The following SFMBT2 variants were observed in gnomAD, a reference collection of about 807,000 sequenced individuals.
SFMBT2 encodes scm-like with four MBT domains protein 2.
A neutral mutation model predicts 110.1 loss-of-function variants in SFMBT2; 38 were observed. The observed-to-expected ratio is 0.35, with a 90% confidence interval of 0.27 to 0.45. The LOEUF is 0.45. Ranked by LOEUF, SFMBT2 falls within the 20% of genes least tolerant of loss-of-function variation. SFMBT2 has a pLI of 1.00. For missense variants in SFMBT2, 1,011 were observed against 1,094.9 expected (o/e 0.92, Z 1.08); for synonymous variants, 425 against 425.4 (o/e 1.00, Z 0.01).
rs566753308 is a variant in SFMBT2 at position 7,276,512 on chromosome 10, A to G, written c.870+380T>C. ...GTTAAGAAGGTGCCTTTTCAAGTGG[A>G]AAAGGATTTGGTATGGAAAACTTTT... On this transcript the variant is annotated intron_variant, in intron 7 of 20. Transcript: ENST00000397167. Among the ~76,000 whole-genome samples the G allele has an allele frequency of 1.2e-3, 189 of 152,172 alleles. 2 individuals are homozygous for G. Among genetic ancestry groups the G allele is most frequent in the African/African-American group, 4.2e-3 (175 of 41,520 alleles).
intron 1 of SFMBT2, among the ~76,000 whole-genome samples, chr10:7,395,738 T>C (rs1845907173): frequency 6.6e-6 from 1 of 152,012 alleles, no homozygotes; most frequent in Non-Finnish European, 1.5e-5. Context: ...CAGTCTCCAT[T>C]TTCATCCTAT....
At chr10:7,360,305 C>A (rs959915125) in intron 4 of SFMBT2, among the ~76,000 whole-genome samples, 2 of 151,964 alleles carry the variant, frequency 1.3e-5, no homozygotes, top group East Asian at 1.9e-4. Flanking sequence ...CCCATCTCTA[C>A]GAAAATACAA....
At chr10:7,203,434 C>T (rs1839022797) in intron 12 of SFMBT2, 2 of 232,616 alleles carry the variant, frequency 8.6e-6, no homozygotes, top group Non-Finnish European at 7.0e-6. Context: ...GGATGCCTGA[C>T]CCCCTGGGAA....
chr10:7,269,171 T>C lies in SFMBT2; in HGVS notation c.870+7721A>G, dbSNP rs535565964. Among the ~76,000 whole-genome samples, 14 of 152,376 alleles carry C rather than the reference T, an allele frequency of 9.2e-5. No homozygotes were observed. The South Asian group carries it at 2.7e-3, about 29-fold the overall frequency. ...GAATGTACATTTTGGAAATGATCTGTATTTGCCAAATAAGGTAAGTCAGAA... is the reference window on the plus strand; with the variant it reads ...GAATGTACATTTTGGAAATGATCTGCATTTGCCAAATAAGGTAAGTCAGAA... On this transcript the variant is annotated intron_variant, in intron 7 of 20. Coordinates refer to ENST00000397167, the MANE Select transcript of SFMBT2 (RefSeq NM_001387889.1).
At chr10:7,372,905 C>G (rs953883541) in intron 2 of SFMBT2, among the ~76,000 whole-genome samples, 2 of 152,256 alleles carry the variant, frequency 1.3e-5, no homozygotes, top group African/African-American at 2.4e-5. Context: ...CTGCCCTAGC[C>G]TGTGTCAGTA....
At chr10:7,376,745 AAAAAAAAAAAAAAG>A (rs1845227482) in intron 2 of SFMBT2, among the ~76,000 whole-genome samples, 1 of 143,216 alleles carries the variant, frequency 7.0e-6, no homozygotes, top group African/African-American at 2.6e-5. Flanking sequence ...AAAAAAAAAA[AAAAAAAAAAAAAAG>A]CCTGGTAATG....
intron 12 of SFMBT2, chr10:7,203,137 A>G: frequency 1.0e-6 from 1 of 973,710 alleles, no homozygotes. Flanking sequence ...ACTTTGGCTC[A>G]GATAATCCTA....
At chr10:7,218,630 G>A (rs760212895) in intron 11 of SFMBT2, among the ~76,000 whole-genome samples, 2 of 152,122 alleles carry the variant, frequency 1.3e-5, no homozygotes, top group Non-Finnish European at 2.9e-5. Flanking sequence ...AAAACACTCT[G>A]GGGAATAAGA....
intron 4 of SFMBT2, among the ~76,000 whole-genome samples, chr10:7,315,919 T>C (rs1023554904): frequency 3.3e-5 from 5 of 152,208 alleles, no homozygotes; most frequent in African/African-American, 1.2e-4. Flanking sequence ...TTTGCTGTTA[T>C]TAAGAAGATG....
chr10:7,220,499 A>G lies in SFMBT2; in HGVS notation c.1242T>C (p.Leu414=). 1 of 1,614,174 alleles carries G rather than the reference A, an allele frequency of 6.2e-7. No individual in the cohort carries two copies. Among genetic ancestry groups the G allele is most frequent in the South Asian group, 1.1e-5 (1 of 91,082 alleles). Reference sequence around the variant, plus strand: ...CTGGATTCCTGGGGTTCACAGCTTCAAGTTTCATGTTCTTTGTGAAACCTC... The same window carrying G: ...CTGGATTCCTGGGGTTCACAGCTTCGAGTTTCATGTTCTTTGTGAAACCTC... ...FSRGFTKNMK[L]EAVNPRNPGE... The change falls in exon 11 of 21, where the codon CTT becomes CTC. Residue 414 remains leucine (L), a synonymous_variant. Transcript: ENST00000397167.
chr10:7,316,747 C>A (rs1843024804), intron 4 of SFMBT2, among the ~76,000 whole-genome samples: 1 of 152,130 alleles, frequency 6.6e-6, no homozygotes, highest in Non-Finnish European at 1.5e-5. Flanking sequence ...GTCTAGCATG[C>A]CTGCTCACTT....
chr10:7,224,175 G>A (rs142659134), intron 10 of SFMBT2, among the ~76,000 whole-genome samples: 202 of 152,236 alleles, frequency 1.3e-3, no homozygotes, highest in Middle Eastern at 6.8e-3. Flanking sequence ...TCTGGATTAC[G>A]TTATATTCCT....
chr10:7,204,252 T>A (rs192513026), intron 12 of SFMBT2: 1 of 716,886 alleles, frequency 1.4e-6, no homozygotes, highest in East Asian at 1.3e-4. Context: ...CTCTTAATAA[T>A]GCTAACTAGA....
intron 7 of SFMBT2, among the ~76,000 whole-genome samples, chr10:7,274,686 C>T (rs1841710761): frequency 1.3e-5 from 2 of 152,140 alleles, no homozygotes; most frequent in Non-Finnish European, 1.5e-5. Context: ...TCCCTAACAG[C>T]ATGAGAACAA....
At chr10:7,212,806 G>T (rs544984825) in intron 11 of SFMBT2, among the ~76,000 whole-genome samples, 2 of 152,250 alleles carry the variant, frequency 1.3e-5, no homozygotes, top group Middle Eastern at 3.4e-3. Flanking sequence ...GTCTCTACTC[G>T]ATAGCAAAGA....
chr10:7,170,998 G>T lies in SFMBT2; in HGVS notation c.2474C>A (p.Thr825Lys). Reference protein sequence around the residue: ...LVLESNPLEWTVTDVVRFIKL... With the variant: ...LVLESNPLEWKVTDVVRFIKL... ...AATGAACCTCACCACGTCGGTGACC[G>T]TCCACTCCAACGGGTTGCTCTCCAG... Residue 825 changes from threonine to lysine, a missense_variant, in exon 20 of 21, where the codon ACG (threonine) becomes AAG (lysine). By Grantham distance (78) the Thr-to-Lys change is moderately conservative (BLOSUM62 -1). This residue lies in a region of SFMBT2 where 979 missense variants were observed against 1,016.1 expected (regional missense o/e 0.96). Coordinates refer to ENST00000397167, the MANE Select transcript of SFMBT2 (RefSeq NM_001387889.1). This position sits in a 1 kb window ranked among gnomAD's most constrained non-coding sequence, Gnocchi z 4.6. 6.2e-7 allele frequency: 1 copy of T among 1,614,110 alleles called. No homozygotes were observed. The highest frequency in any genetic ancestry group is 8.5e-7 in the Non-Finnish European group (1 of 1,179,982).
At chr10:7,183,932 A>G (rs920790900) in intron 16 of SFMBT2, among the ~76,000 whole-genome samples, 2 of 152,144 alleles carry the variant, frequency 1.3e-5, no homozygotes, top group South Asian at 2.1e-4. Context: ...AGGGTTACAC[A>G]TGTAAGTGGG....
At chr10:7,191,452 A>G (rs1275013014) in intron 15 of SFMBT2, among the ~76,000 whole-genome samples, 1 of 152,172 alleles carries the variant, frequency 6.6e-6, no homozygotes, top group Non-Finnish European at 1.5e-5. Flanking sequence ...CGATCCTTTC[A>G]ACAGGTCAGA....
intron 8 of SFMBT2, among the ~76,000 whole-genome samples, chr10:7,245,375 T>C (rs952182783): frequency 1.3e-5 from 2 of 152,210 alleles, no homozygotes; most frequent in Non-Finnish European, 2.9e-5. Context: ...CATACGTATA[T>C]AAAGAGCATG....
Sources: allele counts gnomAD v4.1 joint callset (sites outside exome capture counted in the v4.1 genomes callset), GRCh38; gene constraint gnomAD v4.1.1; regional missense constraint gnomAD v4.1.1; non-coding constraint Gnocchi (gnomAD v3.1); transcripts MANE v1.5; gene names NCBI Gene and HGNC (gene_info 2026-07-23, HGNC 2026-07-21).